FHIT: variants seen among roughly 807,000 people sequenced by gnomAD.
The protein encoded by FHIT is bis(5'-adenosyl)-triphosphatase.
Under a neutral mutation model 17.9 loss-of-function variants are expected in FHIT, and 19 were observed. The ratio of observed to expected loss-of-function variants is 1.06; its 90% CI spans 0.74 to 1.56. FHIT has a LOEUF of 1.56. Among genes scored for constraint, FHIT ranks in the 40% most tolerant of loss-of-function variants. FHIT has a pLI of 0.00. For synonymous variants in FHIT, 81 were observed against 69.7 expected, an observed-to-expected ratio of 1.16 and a Z score of -0.81; for missense variants, 248 against 189.2, an observed-to-expected ratio of 1.31 and a Z score of -1.82.
chr3:60,476,269 A>C (rs1292517719), intron 5 of FHIT, among the ~76,000 whole-genome samples: 1 of 152,196 alleles, frequency 6.6e-6, no homozygotes, highest in Non-Finnish European at 1.5e-5. Context: ...CAAAAGTACC[A>C]CATGGAGAGA....
intron 5 of FHIT, among the ~76,000 whole-genome samples, chr3:60,358,324 T>C (rs1189673620): frequency 7.2e-5 from 11 of 152,192 alleles, no homozygotes; most frequent in Non-Finnish European, 1.6e-4. Context: ...GGCTGAGAAG[T>C]TTCCTTTCCT....
intron 5 of FHIT, among the ~76,000 whole-genome samples, chr3:60,321,339 GGTGGCATACACCTGTA>G (rs1213169871): frequency 6.6e-6 from 1 of 152,074 alleles, no homozygotes; most frequent in African/African-American, 2.4e-5. Flanking sequence ...AGCCAGGCGT[GGTGGCATACACCTGTA>G]GTCTCAGCTA....
At chr3:59,908,945 G>A (rs940604440) in intron 8 of FHIT, among the ~76,000 whole-genome samples, 1 of 151,778 alleles carries the variant, frequency 6.6e-6, no homozygotes, top group Non-Finnish European at 1.5e-5. Context: ...TGATTGAGAA[G>A]AAACTGGAGA....
chr3:61,016,301 TA>T (rs2032103193), intron 3 of FHIT, among the ~76,000 whole-genome samples: 1 of 152,152 alleles, frequency 6.6e-6, no homozygotes, highest in Admixed American at 6.5e-5. Flanking sequence ...ACATAGATTT[TA>T]AAAAGTAATG....
chr3:60,063,658 T>C (rs1047393100), intron 5 of FHIT, among the ~76,000 whole-genome samples: 1 of 152,224 alleles, frequency 6.6e-6, no homozygotes, highest in Non-Finnish European at 1.5e-5. Context: ...TTCTTGCATA[T>C]CCAGCATTTG....
chr3:60,214,615 A>G (rs374337135), intron 5 of FHIT, among the ~76,000 whole-genome samples: 20 of 152,256 alleles, frequency 1.3e-4, no homozygotes, highest in East Asian at 7.7e-4. Flanking sequence ...AAATTTCTCA[A>G]AGATCTTAAT....
intron 4 of FHIT, among the ~76,000 whole-genome samples, chr3:60,700,152 A>C (rs1372000372): frequency 6.6e-6 from 1 of 150,642 alleles, no homozygotes; most frequent in African/African-American, 2.4e-5. Context: ...AAAAATACAC[A>C]GGTATGTATG....
chr3:60,253,302 A>G (rs1411811614), intron 5 of FHIT, among the ~76,000 whole-genome samples: 1 of 152,220 alleles, frequency 6.6e-6, no homozygotes, highest in African/African-American at 2.4e-5. Flanking sequence ...TCGACATTGT[A>G]AAAAGGAGAA....
chr3:59,836,174 AG>A (rs67002925), intron 8 of FHIT, among the ~76,000 whole-genome samples: 63,145 of 151,886 alleles, frequency 0.42, 14,372 homozygotes, highest in Middle Eastern at 0.55. Context: ...GGAAGGAAAA[AG>A]TTTCTTGCTA....
At chr3:60,132,798 G>A (rs1043217970) in intron 5 of FHIT, among the ~76,000 whole-genome samples, 1 of 152,152 alleles carries the variant, frequency 6.6e-6, no homozygotes, top group African/African-American at 2.4e-5. Flanking sequence ...TAAAATGCCA[G>A]AGAATAATCC....
chr3:60,226,045 G>C (rs550799195), intron 5 of FHIT, among the ~76,000 whole-genome samples: 1 of 152,268 alleles, frequency 6.6e-6, no homozygotes, highest in Non-Finnish European at 1.5e-5. Flanking sequence ...GCAGCAATGG[G>C]ACAGCCCCAC....
At chr3:59,778,244 T>C (rs960609927) in intron 8 of FHIT, among the ~76,000 whole-genome samples, 1 of 152,180 alleles carries the variant, frequency 6.6e-6, no homozygotes, top group African/African-American at 2.4e-5. Flanking sequence ...AGACAGATGA[T>C]AAAGCTGGGA....
At chr3:60,159,516 G>A (rs1700848199) in intron 5 of FHIT, among the ~76,000 whole-genome samples, 1 of 152,144 alleles carries the variant, frequency 6.6e-6, no homozygotes, top group Non-Finnish European at 1.5e-5. Flanking sequence ...TTATAAGGGG[G>A]TAGAAAGGAA....
chr3:59,901,604 T>C lies in FHIT; in HGVS notation c.348+20742A>G, dbSNP rs573844242. Among the ~76,000 whole-genome samples, 5 of 152,238 alleles carry C rather than the reference T, an allele frequency of 3.3e-5. No individual in the cohort carries two copies. The East Asian group carries it at 9.7e-4, about 29-fold the overall frequency. On this transcript the variant is annotated intron_variant, in intron 8 of 9. Coordinates refer to ENST00000492590, the MANE Select transcript of FHIT (RefSeq NM_002012.4). Reference sequence around the variant, plus strand: ...ACTTCATGCTTATTGCTTATTCGGATGACTATAATAAAAAGTTACAAAATA... The same window carrying C: ...ACTTCATGCTTATTGCTTATTCGGACGACTATAATAAAAAGTTACAAAATA...
At chr3:60,740,094 A>G (rs1553713587) in intron 4 of FHIT, among the ~76,000 whole-genome samples, 1 of 152,256 alleles carries the variant, frequency 6.6e-6, no homozygotes, top group East Asian at 1.9e-4. Flanking sequence ...TTAAAAGAAT[A>G]CTACATGTAT....
chr3:60,017,361 G>A (rs1700382867), intron 5 of FHIT, among the ~76,000 whole-genome samples: 1 of 152,146 alleles, frequency 6.6e-6, no homozygotes, highest in African/African-American at 2.4e-5. Context: ...AGGGGGGAGA[G>A]TACCAGCTTG....
chr3:61,204,314 G>A (rs2039134618), intron 1 of FHIT, among the ~76,000 whole-genome samples: 1 of 152,090 alleles, frequency 6.6e-6, no homozygotes, highest in African/African-American at 2.4e-5. Flanking sequence ...CTGTTTCTTG[G>A]CCTAGAAAGA....
intron 4 of FHIT, among the ~76,000 whole-genome samples, chr3:60,724,879 C>T (rs2041886236): frequency 6.6e-6 from 1 of 152,056 alleles, no homozygotes; most frequent in Admixed American, 6.5e-5. Context: ...AAACTCCTGG[C>T]CTCAAGTGAT....
At chr3:60,039,159 C>T (rs1166595851) in intron 5 of FHIT, among the ~76,000 whole-genome samples, 1 of 152,164 alleles carries the variant, frequency 6.6e-6, no homozygotes, top group East Asian at 1.9e-4. Context: ...CTCTCCCATA[C>T]GGTGGCTTCA....
Sources: allele counts gnomAD v4.1 joint callset (sites outside exome capture counted in the v4.1 genomes callset), GRCh38; gene constraint gnomAD v4.1.1; transcripts MANE v1.5; gene names NCBI Gene and HGNC (gene_info 2026-07-23, HGNC 2026-07-21).